Variants in DNHD1 observed in about 807,000 individuals in gnomAD.
DNHD1 encodes the protein dynein heavy chain domain-containing protein 1.
A neutral mutation model predicts 458.1 loss-of-function variants in DNHD1; 383 were observed. The observed-to-expected ratio is 0.84, with a 90% CI of 0.77 to 0.91. DNHD1 has a LOEUF of 0.91. Among genes scored for constraint, DNHD1 ranks in the 40% least tolerant of loss-of-function variants. The probability of loss-of-function intolerance (pLI) is 0.00; values close to 1 mark genes in which losing one functional copy is unlikely to be tolerated. For missense variants in DNHD1, 5,336 were observed against 5,866.1 expected, an observed-to-expected ratio of 0.91 and a Z score of 2.95; for synonymous variants, 2,203 against 2,376.9, an observed-to-expected ratio of 0.93 and a Z score of 2.13.
intron 24 of DNHD1, among the ~76,000 whole-genome samples, chr11:6,554,039 T>C (rs932216497): frequency 3.3e-5 from 5 of 152,102 alleles, no homozygotes; most frequent in African/African-American, 4.8e-5. Context: ...CCAAGCAACT[T>C]TGAAAAAGAA....
At chr11:6,552,768 T>A (rs1015953104) in intron 24 of DNHD1, among the ~76,000 whole-genome samples, 1 of 152,050 alleles carries the variant, frequency 6.6e-6, no homozygotes, top group African/African-American at 2.4e-5. Context: ...ACCAGGTCCC[T>A]CCCTCAACAT....
Position 6,502,868 on chromosome 11 carries a change from A to C in DNHD1, c.862A>C (p.Arg288=). 6.2e-7 allele frequency: 1 copy of C among 1,613,564 alleles called. No homozygotes were observed. Among genetic ancestry groups the C allele is most frequent in the Non-Finnish European group, 8.5e-7 (1 of 1,179,802 alleles). The change falls in exon 4 of 43, where the codon AGA becomes CGA. Residue 288 remains arginine (R), a synonymous_variant. Coordinates refer to ENST00000254579, the MANE Select transcript of DNHD1 (RefSeq NM_144666.3). ...GGTGATGACTGCTCTGAAGATGGAG[A>C]GATACCTGAAGAAGATCCACTTCCT... ...SQVMTALKME[R]YLKKIHFLYL...
chr11:6,545,129 G>T lies in DNHD1; in HGVS notation c.4190G>T (p.Arg1397Met), dbSNP rs746032448. The T allele has an allele frequency of 4.1e-5, 63 of 1,552,058 alleles. No individual in the cohort carries two copies. Among genetic ancestry groups the T allele is most frequent in the Non-Finnish European group, 5.4e-5 (62 of 1,147,102 alleles). The change falls in exon 21 of 43, where the codon AGG becomes ATG. Residue 1397 changes from arginine (R) to methionine (M), a missense_variant. Arg to Met is a moderately conservative substitution (Grantham distance 91). Around this residue, in one of 4 missense-constraint regions of DNHD1, gnomAD observed 3,932 missense variants for 4,365.6 expected, o/e 0.90. Coordinates refer to ENST00000254579, the MANE Select transcript of DNHD1 (RefSeq NM_144666.3). The surrounding 1 kb of genome is among the most constrained non-coding windows in gnomAD (Gnocchi z 4.9). ...CCTCATGTGCATGCTGTGAGCTTCA[G>T]GTCTTGCCCAACTGGTGAGAAAAAC... The part of the protein sequence containing the change: ...CFPHVHAVSF[R>M]SCPTGEKNTD...
At position 6,533,841 on chromosome 11, in the gene DNHD1, C is replaced by T. The variant is rs1317552900; in HGVS notation, c.2666C>T (p.Pro889Leu). Reference protein sequence around the residue: ...RRQFGESPIPPCPPPPQPHLL... With the variant: ...RRQFGESPIPLCPPPPQPHLL... ...CAATTCGGGGAGTCACCCATCCCTC[C>T]CTGCCCTCCTCCCCCACAACCACAT... Residue 889 changes from proline to leucine, a missense_variant, in exon 14 of 43, where the codon CCC becomes CTC. Pro to Leu is a moderately conservative substitution (Grantham distance 98). Coordinates refer to ENST00000254579, the MANE Select transcript of DNHD1 (RefSeq NM_144666.3). 12 of 1,551,294 alleles carry T rather than the reference C, an allele frequency of 7.7e-6. No homozygotes were observed. Among genetic ancestry groups the T allele is most frequent in the African/African-American group, 4.1e-5 (3 of 73,006 alleles).
chr11:6,506,483 G>A (rs1852229903), intron 4 of DNHD1, among the ~76,000 whole-genome samples: 1 of 152,086 alleles, frequency 6.6e-6, no homozygotes, highest in Non-Finnish European at 1.5e-5. Context: ...GGGAATGTTG[G>A]TCCAAATTTC....
chr11:6,512,387 AT>A (rs556395304), intron 7 of DNHD1, among the ~76,000 whole-genome samples: 135 of 150,804 alleles, frequency 9.0e-4, no homozygotes, highest in African/African-American at 2.9e-3. Flanking sequence ...TGCCCGGCTA[AT>A]TTTTTTTGTA....
Position 6,563,856 on chromosome 11 carries a change from C to T in DNHD1, c.10016C>T (p.Ala3339Val). The part of the protein sequence containing the change: ...WLWAVLHYGL[A>V]HCRGLPTDLL... ...TGGGCTGTTCTGCACTATGGGCTGGCGCATTGCCGGGGACTGCCCACGGAC... is the reference window on the plus strand; with the variant it reads ...TGGGCTGTTCTGCACTATGGGCTGGTGCATTGCCGGGGACTGCCCACGGAC... The change falls in exon 31 of 43, where the codon GCG (alanine) becomes GTG (valine). Residue 3339 changes from alanine (A) to valine (V), a missense_variant. Ala to Val is a moderately conservative substitution (Grantham distance 64). Coordinates refer to ENST00000254579, the MANE Select transcript of DNHD1 (RefSeq NM_144666.3). The T allele has an allele frequency of 1.0e-5, 16 of 1,551,630 alleles. No homozygotes were observed. The highest frequency in any genetic ancestry group is 1.7e-4 in the Middle Eastern group (1 of 5,992).
chr11:6,544,509 G>A, intron 19 of DNHD1, 65 bp from the exon 20 acceptor site: 1 of 1,312,464 alleles, frequency 7.6e-7, no homozygotes, highest in Non-Finnish European at 1.1e-6. Context: ...GGAGCAGGGT[G>A]GACTCCCCTG....
At chr11:6,562,853 C>T in intron 28 of DNHD1, 129 bp from the exon 29 acceptor site, 4 of 1,062,182 alleles carry the variant, frequency 3.8e-6, no homozygotes, top group Non-Finnish European at 5.4e-6. Flanking sequence ...TCTCTGTGGC[C>T]TACTTGGAGT....
intron 21 of DNHD1, 30 bp from the exon 22 acceptor site, chr11:6,547,833 C>A (rs774900168): frequency 2.5e-5 from 39 of 1,549,388 alleles, no homozygotes; most frequent in Non-Finnish European, 2.5e-5. Context: ...TCTACTGGGG[C>A]TCCTCTCGTG....
At position 6,564,689 on chromosome 11, in the gene DNHD1, C is replaced by T. The variant is rs1162758970; in HGVS notation, c.10641C>T (p.Tyr3547=). The T allele has an allele frequency of 3.2e-6, 5 of 1,551,486 alleles. No homozygotes were observed. The Admixed American group carries it at 5.9e-5, about 18-fold the overall frequency. Residue 3547 remains tyrosine (Y), a synonymous_variant, in exon 32 of 43, where the codon TAC becomes TAT. Transcript: ENST00000254579. ...AGLLLRSPTH[Y]SSCRWPLLLD... ...TGCTTCTGCGAAGCCCCACACACTACAGTAGTTGCCGTTGGCCTCTGCTGC... is the reference window on the plus strand; with the variant it reads ...TGCTTCTGCGAAGCCCCACACACTATAGTAGTTGCCGTTGGCCTCTGCTGC...
At chr11:6,506,769 C>T (rs970792136) in intron 4 of DNHD1, among the ~76,000 whole-genome samples, 23 of 152,168 alleles carry the variant, frequency 1.5e-4, no homozygotes, top group African/African-American at 4.8e-4. Context: ...CTTTTTCCCC[C>T]TTCCTGTTGT....
intron 16 of DNHD1, 61 bp downstream of exon 16, chr11:6,538,871 G>A (rs751759003): frequency 7.2e-7 from 1 of 1,393,880 alleles, no homozygotes; most frequent in Non-Finnish European, 9.5e-7. Context: ...GAGCGATGCA[G>A]CAACTCAGTT....
intron 12 of DNHD1, among the ~76,000 whole-genome samples, chr11:6,531,104 A>G (rs985742229): frequency 1.3e-5 from 2 of 152,190 alleles, no homozygotes; most frequent in Non-Finnish European, 2.9e-5. Context: ...TGTGGCATGC[A>G]GTAGGTGCTT....
intron 10 of DNHD1, chr11:6,520,588 C>T: frequency 8.2e-7 from 1 of 1,224,298 alleles, no homozygotes; most frequent in Non-Finnish European, 1.0e-6. Context: ...GGTTTTTCTC[C>T]AGTGCCATAA....
chr11:6,511,394 C>T lies in DNHD1; in HGVS notation c.1357C>T (p.Arg453Cys), dbSNP rs370487519. Residue 453 changes from arginine (R) to cysteine (C), a missense_variant, in exon 7 of 43, where the codon CGT (arginine) becomes TGT (cysteine). Physicochemically the swap from Arg to Cys is radical, Grantham distance 180. This residue lies in a region of DNHD1 where 3,932 missense variants were observed against 4,365.6 expected (regional missense o/e 0.90). Coordinates refer to ENST00000254579, the MANE Select transcript of DNHD1 (RefSeq NM_144666.3). ...EKHKALRLLH[R>C]CLNLCTSILR... is the part of the protein sequence containing the mutation. ...GCATAAGGCTCTACGGCTGCTCCAT[C>T]GTTGCCTAAACCTCTGCACATCCAT... 2.0e-5 allele frequency: 32 copies of T among 1,614,110 alleles called. No homozygotes were observed. Among genetic ancestry groups the T allele is most frequent in the Non-Finnish European group, 2.4e-5 (28 of 1,180,046 alleles).
intron 1 of DNHD1, 43 bp downstream of exon 1, chr11:6,497,374 A>T (rs991099401): frequency 1.3e-5 from 2 of 149,444 alleles, no homozygotes; most frequent in African/African-American, 5.0e-5. Flanking sequence ...GTTCCCTAGG[A>T]CCCCCTCCCA....
Position 6,556,802 on chromosome 11 carries a change from A to C in DNHD1, c.7507A>C (p.Thr2503Pro), listed in dbSNP as rs534617187. 1.9e-6 allele frequency: 3 copies of C among 1,551,616 alleles called. No homozygotes were observed. The East Asian group carries it at 7.3e-5, about 38-fold the overall frequency. Residue 2503 changes from threonine to proline, a missense_variant, in exon 25 of 43, where the codon ACT becomes CCT. Thr to Pro is a conservative substitution (Grantham distance 38). Transcript: ENST00000254579. ...TLQPTVNFLA[T>P]VTVPGYCERP... ...GCAGCCTACAGTCAACTTCCTTGCC[A>C]CTGTCACAGTGCCAGGATACTGTGA...
intron 28 of DNHD1, among the ~76,000 whole-genome samples, chr11:6,560,609 C>T (rs1340691943): frequency 2.6e-5 from 4 of 152,160 alleles, no homozygotes; most frequent in African/African-American, 9.7e-5. Context: ...GAGTCAGTTA[C>T]ACCAGAGCAG....
Sources: allele counts gnomAD v4.1 joint callset (sites outside exome capture counted in the v4.1 genomes callset), GRCh38; gene constraint gnomAD v4.1.1; regional missense constraint gnomAD v4.1.1; non-coding constraint Gnocchi (gnomAD v3.1); transcripts MANE v1.5; gene names NCBI Gene and HGNC (gene_info 2026-07-23, HGNC 2026-07-21).